Variants in ZNF521 observed in about 807,000 individuals in gnomAD.
ZNF521 encodes the protein LYST-interacting protein 3.
A neutral mutation model predicts 105.5 loss-of-function variants in ZNF521; 14 were observed. The observed-to-expected ratio is 0.13, with a 90% confidence interval of 0.09 to 0.21. The LOEUF (loss-of-function observed/expected upper bound fraction) is 0.21. ZNF521 is among the 10% of genes least tolerant of loss of function. ZNF521 has a pLI of 1.00. For missense variants in ZNF521, 1,233 were observed against 1,629.7 expected, an observed-to-expected ratio of 0.76 and a Z score of 4.19; for synonymous variants, 635 against 606.0, an observed-to-expected ratio of 1.05 and a Z score of -0.70.
At chr18:25,276,386 T>C (rs1439795929) in intron 3 of ZNF521, among the ~76,000 whole-genome samples, 1 of 152,230 alleles carries the variant, frequency 6.6e-6, no homozygotes, top group Non-Finnish European at 1.5e-5. Flanking sequence ...AAGGCCTTAA[T>C]ATTAGCTCTT....
At chr18:25,155,631 G>A (rs557640242) in intron 5 of ZNF521, among the ~76,000 whole-genome samples, 3 of 152,174 alleles carry the variant, frequency 2.0e-5, no homozygotes, top group South Asian at 4.2e-4. Flanking sequence ...TCATTCTTTT[G>A]CAAATGGAAA....
At chr18:25,085,779 G>A (rs972917045) in intron 7 of ZNF521, among the ~76,000 whole-genome samples, 1 of 151,044 alleles carries the variant, frequency 6.6e-6, no homozygotes, top group Non-Finnish European at 1.5e-5. Context: ...ACCTAACAAA[G>A]CACTTCTATC....
At chr18:25,245,496 G>A (rs901807159) in intron 3 of ZNF521, among the ~76,000 whole-genome samples, 1 of 152,182 alleles carries the variant, frequency 6.6e-6, no homozygotes, top group African/African-American at 2.4e-5. Flanking sequence ...GGTGGATGAT[G>A]CAAGACAGGG....
At chr18:25,076,107 C>T (rs962416631) in intron 7 of ZNF521, among the ~76,000 whole-genome samples, 5 of 152,208 alleles carry the variant, frequency 3.3e-5, no homozygotes, top group Non-Finnish European at 7.3e-5. Flanking sequence ...TCCTTTCCTG[C>T]TCAGTGTTTC....
At chr18:25,197,994 G>A (rs1170764331) in intron 4 of ZNF521, among the ~76,000 whole-genome samples, 3 of 151,854 alleles carry the variant, frequency 2.0e-5, no homozygotes, top group Non-Finnish European at 1.5e-5. Context: ...AAAGTCAAGT[G>A]AGATAATTTC....
intron 4 of ZNF521, among the ~76,000 whole-genome samples, chr18:25,218,596 G>T (rs1053815004): frequency 6.7e-6 from 1 of 150,140 alleles, no homozygotes; most frequent in Admixed American, 6.7e-5. Flanking sequence ...AGGCTGCAGT[G>T]ACCCATGATC....
chr18:25,226,874 C>G lies in ZNF521; in HGVS notation c.1044G>C (p.Thr348=). The change falls in exon 4 of 8, where the codon ACG becomes ACC. Residue 348 remains threonine, a synonymous_variant. Transcript: ENST00000361524. This position sits in a 1 kb window ranked among gnomAD's most constrained non-coding sequence, Gnocchi z 4.1. ...TACTGGACACGGAGGTATAGCCCAC[C>G]GTGACCAGGGAAGGGCTGTTGCTGT... The part of the protein sequence containing the change: ...CNHSNSPSLV[T]VGYTSVSSTT... 6.2e-7 allele frequency: 1 copy of G among 1,613,906 alleles called. No homozygotes were observed. The highest frequency in any genetic ancestry group is 1.1e-5 in the South Asian group (1 of 91,038).
intron 5 of ZNF521, among the ~76,000 whole-genome samples, chr18:25,165,724 T>C (rs2035327918): frequency 6.6e-6 from 1 of 152,262 alleles, no homozygotes; most frequent in Non-Finnish European, 1.5e-5. Flanking sequence ...AAGGAATGTC[T>C]GCCTGCAATT....
intron 2 of ZNF521, among the ~76,000 whole-genome samples, chr18:25,330,626 A>G (rs1474212686): frequency 1.3e-5 from 2 of 152,244 alleles, no homozygotes; most frequent in Admixed American, 1.3e-4. Flanking sequence ...AAACCAAAAG[A>G]GACATTGATT....
chr18:25,170,979 T>C (rs2035439202), intron 5 of ZNF521, among the ~76,000 whole-genome samples: 3 of 152,112 alleles, frequency 2.0e-5, no homozygotes, highest in Admixed American at 2.0e-4. Flanking sequence ...TATAGTTAGA[T>C]GGGACAAAAA....
chr18:25,299,783 T>A (rs886303177), intron 3 of ZNF521, among the ~76,000 whole-genome samples: 2 of 152,174 alleles, frequency 1.3e-5, no homozygotes, highest in Non-Finnish European at 2.9e-5. Context: ...GCTTCCTATT[T>A]CTCACTTAAA....
intron 3 of ZNF521, among the ~76,000 whole-genome samples, chr18:25,245,791 T>C (rs190649543): frequency 2.2e-3 from 328 of 152,300 alleles, no homozygotes; most frequent in African/African-American, 7.6e-3. Context: ...GGCAAGAGGA[T>C]GGCTCGAGGC....
chr18:25,098,164 T>C (rs1164881378), intron 5 of ZNF521, among the ~76,000 whole-genome samples: 4 of 152,134 alleles, frequency 2.6e-5, no homozygotes, highest in East Asian at 1.9e-4. Context: ...GGAGAAAACA[T>C]TGGAATGTTG....
At chr18:25,193,886 T>C (rs768692321) in intron 5 of ZNF521, among the ~76,000 whole-genome samples, 21 of 152,022 alleles carry the variant, frequency 1.4e-4, no homozygotes, top group Non-Finnish European at 2.5e-4. Context: ...TTTGCACAAA[T>C]AAGCTCTTAG....
At chr18:25,092,838 G>C (rs60334669) in intron 5 of ZNF521, among the ~76,000 whole-genome samples, 1,671 of 152,268 alleles carry the variant, frequency 0.011, 38 homozygotes, top group African/African-American at 0.039. Flanking sequence ...ATAAAGTGGA[G>C]AGTTTGTGTT....
At chr18:25,196,630 G>GA (rs1357631054) in intron 4 of ZNF521, among the ~76,000 whole-genome samples, 4 of 151,660 alleles carry the variant, frequency 2.6e-5, no homozygotes, top group Non-Finnish European at 3.0e-5. Flanking sequence ...ATTGCGAACT[G>GA]AATGTGCTGA....
Position 25,224,798 on chromosome 18 carries a change from C to T in ZNF521, c.3120G>A (p.Thr1040=), listed in dbSNP as rs754667110. ...CATTCCCTGTCTTTTGCATGTGGAA[C>T]GTCCCATGGATTTTGAGTTCCAAGG... ...TSTLELKIHG[T]FHMQKTGNGS... Residue 1040 remains threonine, a synonymous_variant, in exon 4 of 8, where the codon ACG becomes ACA. Coordinates refer to ENST00000361524, the MANE Select transcript of ZNF521 (RefSeq NM_015461.3). 6.8e-6 allele frequency: 11 copies of T among 1,613,938 alleles called. No homozygotes were observed. The highest frequency in any genetic ancestry group is 3.3e-5 in the South Asian group (3 of 91,078).
chr18:25,179,979 A>AT (rs2035603136), intron 5 of ZNF521, among the ~76,000 whole-genome samples: 1 of 152,220 alleles, frequency 6.6e-6, no homozygotes, highest in Non-Finnish European at 1.5e-5. Flanking sequence ...TCAGTCATGC[A>AT]AGTTAAGACC....
At chr18:25,181,835 C>T (rs545405533) in intron 5 of ZNF521, among the ~76,000 whole-genome samples, 5 of 152,256 alleles carry the variant, frequency 3.3e-5, no homozygotes, top group Non-Finnish European at 7.3e-5. Context: ...ACACAATTTC[C>T]AGCCAGAGGG....
Sources: allele counts gnomAD v4.1 joint callset (sites outside exome capture counted in the v4.1 genomes callset), GRCh38; gene constraint gnomAD v4.1.1; non-coding constraint Gnocchi (gnomAD v3.1); transcripts MANE v1.5; gene names NCBI Gene and HGNC (gene_info 2026-07-23, HGNC 2026-07-21).